KCNAB1: variants seen among roughly 807,000 people sequenced by gnomAD.
KCNAB1 encodes potassium voltage-gated channel subfamily A regulatory beta subunit 1.
Under a neutral mutation model 64.6 loss-of-function variants are expected in KCNAB1, and 35 were observed. That is an observed-to-expected ratio of 0.54 (90% CI 0.41 to 0.72). The LOEUF is 0.72. Ranked by LOEUF, KCNAB1 falls within the 30% of genes least tolerant of loss-of-function variation. KCNAB1 has a pLI of 0.00. For synonymous variants in KCNAB1, 177 were observed against 183.8 expected, an observed-to-expected ratio of 0.96 and a Z score of 0.30; for missense variants, 401 against 512.9, an observed-to-expected ratio of 0.78 and a Z score of 2.11.
At chr3:156,242,104 A>G (rs572792076) in intron 1 of KCNAB1, among the ~76,000 whole-genome samples, 24 of 152,318 alleles carry the variant, frequency 1.6e-4, no homozygotes, top group African/African-American at 5.8e-4. Flanking sequence ...CGTTATCGTG[A>G]AATCACTTAG....
At chr3:156,498,359 TGTGGGAGGAACCTG>T (rs1449316354) in intron 8 of KCNAB1, among the ~76,000 whole-genome samples, 1 of 152,202 alleles carries the variant, frequency 6.6e-6, no homozygotes, top group Non-Finnish European at 1.5e-5. Context: ...TCCCACGTGT[TGTGGGAGGAACCTG>T]GTGGGAGGTG....
At chr3:156,130,774 T>A (rs1246537782) in intron 1 of KCNAB1, among the ~76,000 whole-genome samples, 1 of 152,264 alleles carries the variant, frequency 6.6e-6, no homozygotes, top group East Asian at 1.9e-4. Flanking sequence ...GGCAGTCATG[T>A]CTTCCCCTCC....
At chr3:156,516,154 C>A in intron 10 of KCNAB1, 116 bp from the exon 11 acceptor site, 2 of 661,914 alleles carry the variant, frequency 3.0e-6, no homozygotes, top group Admixed American at 2.6e-5. Flanking sequence ...ACTCATTTAT[C>A]TGGCCAGCTT....
At chr3:156,158,220 AAATG>A (rs994146489) in intron 1 of KCNAB1, among the ~76,000 whole-genome samples, 10 of 147,430 alleles carry the variant, frequency 6.8e-5, no homozygotes, top group African/African-American at 1.2e-4. Context: ...ATAAATAAAT[AAATG>A]GGCCAAAAAT....
intron 1 of KCNAB1, among the ~76,000 whole-genome samples, chr3:156,321,493 C>T (rs1284292555): frequency 1.3e-5 from 2 of 152,232 alleles, no homozygotes; most frequent in Non-Finnish European, 2.9e-5. Context: ...GGTATTTGAA[C>T]ACAAACAGCA....
intron 1 of KCNAB1, among the ~76,000 whole-genome samples, chr3:156,356,922 G>A (rs987715442): frequency 6.6e-6 from 1 of 152,196 alleles, no homozygotes; most frequent in African/African-American, 2.4e-5. Context: ...TACTCTAGTT[G>A]GCTCTGTCTT....
At chr3:156,200,214 C>G (rs1714235000) in intron 1 of KCNAB1, among the ~76,000 whole-genome samples, 1 of 152,184 alleles carries the variant, frequency 6.6e-6, no homozygotes, top group South Asian at 2.1e-4. Context: ...CAGAGGGGAG[C>G]CTGCCTGATG....
At chr3:156,231,844 A>G (rs187254833) in intron 1 of KCNAB1, among the ~76,000 whole-genome samples, 11 of 152,216 alleles carry the variant, frequency 7.2e-5, no homozygotes, top group Non-Finnish European at 1.2e-4. Context: ...AAACAAATCA[A>G]TGTATTTCTT....
intron 1 of KCNAB1, among the ~76,000 whole-genome samples, chr3:156,346,488 A>G (rs1724489795): frequency 6.6e-6 from 1 of 152,178 alleles, no homozygotes; most frequent in Non-Finnish European, 1.5e-5. Flanking sequence ...ACACTTCACT[A>G]AAGAGAGTGG....
intron 8 of KCNAB1, among the ~76,000 whole-genome samples, chr3:156,505,304 C>A (rs1359234209): frequency 6.6e-6 from 1 of 152,110 alleles, no homozygotes; most frequent in East Asian, 1.9e-4. Flanking sequence ...GTTACTATAT[C>A]TTTGTAGTAT....
intron 1 of KCNAB1, among the ~76,000 whole-genome samples, chr3:156,369,063 C>T (rs1726137537): frequency 6.6e-6 from 1 of 152,152 alleles, no homozygotes; most frequent in Non-Finnish European, 1.5e-5. Context: ...CATTTCCACC[C>T]CCACCCACTG....
intron 1 of KCNAB1, among the ~76,000 whole-genome samples, chr3:156,267,998 T>A (rs971617481): frequency 1.3e-5 from 2 of 152,056 alleles, no homozygotes; most frequent in Admixed American, 6.5e-5. Flanking sequence ...CTATTTTTTT[T>A]AATCCATTAG....
At chr3:156,165,653 T>C (rs181894360) in intron 1 of KCNAB1, among the ~76,000 whole-genome samples, 6 of 152,336 alleles carry the variant, frequency 3.9e-5, no homozygotes, top group Admixed American at 3.9e-4. Context: ...TACAGATCTT[T>C]TATATTACAT....
intron 1 of KCNAB1, among the ~76,000 whole-genome samples, chr3:156,129,848 T>A (rs372034038): frequency 2.0e-5 from 3 of 152,246 alleles, no homozygotes; most frequent in Admixed American, 6.5e-5. Flanking sequence ...CTTGACATGC[T>A]GCTTCCCTCC....
At chr3:156,421,483 T>A in intron 1 of KCNAB1, 133 bp from the exon 2 acceptor site, 2 of 804,972 alleles carry the variant, frequency 2.5e-6, no homozygotes, top group Non-Finnish European at 4.0e-6. Flanking sequence ...CAAGACAATA[T>A]GCCGGCATCT....
At chr3:156,296,352 A>T (rs1720775401) in intron 1 of KCNAB1, among the ~76,000 whole-genome samples, 1 of 152,026 alleles carries the variant, frequency 6.6e-6, no homozygotes, top group Non-Finnish European at 1.5e-5. Flanking sequence ...TTGTACTGAT[A>T]AACTCCCTCC....
At chr3:156,345,560 A>C (rs1261815807) in intron 1 of KCNAB1, among the ~76,000 whole-genome samples, 1 of 152,232 alleles carries the variant, frequency 6.6e-6, no homozygotes, top group Non-Finnish European at 1.5e-5. Context: ...GCTGGGACAA[A>C]TTCTGTTGGA....
At chr3:156,503,257 A>G (rs1381725119) in intron 8 of KCNAB1, among the ~76,000 whole-genome samples, 1 of 152,220 alleles carries the variant, frequency 6.6e-6, no homozygotes, top group African/African-American at 2.4e-5. Flanking sequence ...TTCTTGGAGC[A>G]TGTCAGCAGG....
chr3:156,434,954 A>G (rs1716487578), intron 2 of KCNAB1, among the ~76,000 whole-genome samples: 4 of 152,224 alleles, frequency 2.6e-5, no homozygotes, highest in South Asian at 2.1e-4. Flanking sequence ...ATTTGAAGGC[A>G]GGTAGTTTGA....
Sources: gnomAD v4.1 joint callset for allele counts (sites outside exome capture counted in the v4.1 genomes callset) on GRCh38, gnomAD v4.1.1 for gene constraint, MANE v1.5 for transcripts, NCBI Gene and HGNC (gene_info 2026-07-23, HGNC 2026-07-21) for gene names.